PRKD3: variants seen among roughly 807,000 people sequenced by gnomAD.
The protein encoded by PRKD3 is protein kinase D3.
PRKD3 carries 47 observed loss-of-function variants against 99.2 expected under a neutral mutation model. The observed-to-expected ratio is 0.47, with a 90% CI of 0.38 to 0.60. The LOEUF (loss-of-function observed/expected upper bound fraction) is 0.60. Among genes scored for constraint, PRKD3 ranks in the 20% least tolerant of loss-of-function variants. The probability of loss-of-function intolerance (pLI) is 0.00; values close to 1 mark genes in which losing one functional copy is unlikely to be tolerated. For synonymous variants in PRKD3, 392 were observed against 355.4 expected (o/e 1.10, Z -1.16); for missense variants, 1,019 against 1,088.4 (o/e 0.94, Z 0.90).
chr2:37,259,647 T>C lies in PRKD3; in HGVS notation c.2081A>G (p.Asn694Ser). Residue 694 changes from asparagine to serine, a missense_variant, in exon 16 of 19, where the codon AAT (asparagine) becomes AGT (serine). By Grantham distance (46) the Asn-to-Ser change is conservative. Coordinates refer to ENST00000234179, the MANE Select transcript of PRKD3 (RefSeq NM_005813.6). ...TGGCTTTAAATCACAGTGCACAATA[T>C]TCTTAAAATGCAGATTCCTCAAAGC... ...LVALRNLHFK[N>S]IVHCDLKPEN... 6.2e-7 allele frequency: 1 copy of C among 1,613,352 alleles called. No individual in the cohort carries two copies.
chr2:37,287,705 G>A (rs567081079), intron 5 of PRKD3, among the ~76,000 whole-genome samples: 1 of 152,276 alleles, frequency 6.6e-6, no homozygotes, highest in African/African-American at 2.4e-5. Context: ...AATAATCGGT[G>A]AATGTGTGTT....
chr2:37,257,149 T>G (rs1050098148), intron 16 of PRKD3, among the ~76,000 whole-genome samples: 1 of 152,204 alleles, frequency 6.6e-6, no homozygotes, highest in African/African-American at 2.4e-5. Flanking sequence ...AGAGCTTTCC[T>G]AGTACATATT....
At chr2:37,264,004 ACAC>A (rs750425184) in intron 14 of PRKD3, among the ~76,000 whole-genome samples, 7 of 152,166 alleles carry the variant, frequency 4.6e-5, no homozygotes, top group Non-Finnish European at 1.0e-4. Context: ...ACCTACAAGA[ACAC>A]CACACCTTTT....
At chr2:37,259,856 T>C (rs1668274400) in intron 15 of PRKD3, among the ~76,000 whole-genome samples, 175 bp from the exon 16 acceptor site, 1 of 152,206 alleles carries the variant, frequency 6.6e-6, no homozygotes, top group Admixed American at 6.5e-5. Context: ...CATGTAAAAG[T>C]ACTGCTATTT....
chr2:37,321,939 A>T (rs1671901490), intron 1 of PRKD3, among the ~76,000 whole-genome samples: 1 of 152,236 alleles, frequency 6.6e-6, no homozygotes, highest in South Asian at 2.1e-4. Flanking sequence ...TTTTTGTACA[A>T]TACTCAGCAA....
At chr2:37,298,709 G>T (rs894768661) in intron 2 of PRKD3, among the ~76,000 whole-genome samples, 1 of 151,686 alleles carries the variant, frequency 6.6e-6, no homozygotes, top group Admixed American at 6.6e-5. Flanking sequence ...TAATTTTCTT[G>T]GTTTCTATTC....
intron 2 of PRKD3, among the ~76,000 whole-genome samples, chr2:37,298,072 T>C (rs534242025): frequency 6.6e-6 from 1 of 152,318 alleles, no homozygotes; most frequent in African/African-American, 2.4e-5. Context: ...CATTTATATA[T>C]ATCAATATAG....
At chr2:37,305,619 A>C (rs1442595262) in intron 2 of PRKD3, among the ~76,000 whole-genome samples, 1 of 152,238 alleles carries the variant, frequency 6.6e-6, no homozygotes, top group Non-Finnish European at 1.5e-5. Context: ...CAAAACTCTT[A>C]AAACAAGTAA....
chr2:37,297,727 T>A (rs1239730987), intron 2 of PRKD3, among the ~76,000 whole-genome samples: 1 of 152,166 alleles, frequency 6.6e-6, no homozygotes, highest in East Asian at 1.9e-4. Context: ...TCTGATGTTC[T>A]TTTCATTATT....
chr2:37,257,341 A>G (rs1558523447), intron 16 of PRKD3, among the ~76,000 whole-genome samples: 1 of 152,082 alleles, frequency 6.6e-6, no homozygotes, highest in Non-Finnish European at 1.5e-5. Flanking sequence ...TGGACACATA[A>G]AGGTACTCAA....
At position 37,256,638 on chromosome 2, in the gene PRKD3, T is replaced by TAA. The variant is rs1558522243; in HGVS notation, c.2413+23_2413+24insTT. ...AAACACATAGCCAAAATTTTTTTTT[T>TAA]TTTTTTTTTTTTTTTTTTTTTACCT... On this transcript the variant is annotated intron_variant, in intron 17 of 18. Transcript: ENST00000234179. 6 of 1,195,322 alleles carry TAA rather than the reference T, an allele frequency of 5.0e-6. No homozygotes were observed. In the African/African-American group the frequency reaches 1.0e-4, roughly 20 times the overall value. 74.0% of individuals were successfully genotyped at this position (1,195,322 alleles called of 1,614,324 possible).
intron 1 of PRKD3, 102 bp from the exon 2 acceptor site, chr2:37,317,281 G>C: frequency 2.1e-6 from 1 of 466,682 alleles, no homozygotes. Flanking sequence ...TTGGTCATAT[G>C]CTTATAATTC....
rs748375756 is a variant in PRKD3, at chr2:37,259,688, T to C, written c.2047-7A>G. Reference sequence around the variant, plus strand: ...TCCTCAAAGCAACAAGTATCTGTTATGAAAAAAGATTTTCTTTTCAATGTC... The same window carrying C: ...TCCTCAAAGCAACAAGTATCTGTTACGAAAAAAGATTTTCTTTTCAATGTC... On this transcript the variant is annotated splice_polypyrimidine_tract_variant and splice_region_variant and intron_variant, in intron 15 of 18. Transcript: ENST00000234179. The C allele has an allele frequency of 7.6e-6, 12 of 1,588,434 alleles. No homozygotes were observed. In the Admixed American group the frequency reaches 1.4e-4, roughly 18 times the overall value.
chr2:37,287,109 AAT>A (rs1312410804), intron 5 of PRKD3, among the ~76,000 whole-genome samples: 1 of 151,870 alleles, frequency 6.6e-6, no homozygotes. Context: ...GCATGCCTGT[AAT>A]CCCAGCTACT....
At chr2:37,319,777 C>T (rs1002159233) in intron 1 of PRKD3, among the ~76,000 whole-genome samples, 6 of 151,368 alleles carry the variant, frequency 4.0e-5, no homozygotes, top group Non-Finnish European at 7.4e-5. Context: ...AAATCATGCA[C>T]GCAAAGGTAA....
chr2:37,319,949 G>A (rs957778192), intron 1 of PRKD3, among the ~76,000 whole-genome samples: 2 of 152,156 alleles, frequency 1.3e-5, no homozygotes, highest in Admixed American at 6.5e-5. Context: ...AACCTCACAG[G>A]TTGCAAGGAT....
chr2:37,291,736 G>A (rs1395735956), intron 3 of PRKD3, among the ~76,000 whole-genome samples: 2 of 152,088 alleles, frequency 1.3e-5, no homozygotes, highest in Non-Finnish European at 2.9e-5. Context: ...TAAGATGAGA[G>A]GAGTGGGGAC....
At chr2:37,254,124 G>C in intron 18 of PRKD3, 80 bp downstream of exon 18, 3 of 987,698 alleles carry the variant, frequency 3.0e-6, no homozygotes, top group Non-Finnish European at 4.9e-6. Context: ...GCTGATCTTA[G>C]AGTGGTCTCA....
intron 3 of PRKD3, among the ~76,000 whole-genome samples, chr2:37,291,665 T>C (rs908846988): frequency 3.3e-5 from 5 of 152,122 alleles, no homozygotes; most frequent in African/African-American, 1.2e-4. Flanking sequence ...TTTGGGGTTG[T>C]TGTATAGAAG....
Sources: gnomAD v4.1 joint callset for allele counts (sites outside exome capture counted in the v4.1 genomes callset) on GRCh38, gnomAD v4.1.1 for gene constraint, MANE v1.5 for transcripts, NCBI Gene and HGNC (gene_info 2026-07-23, HGNC 2026-07-21) for gene names.